The following DNER variants were observed in gnomAD, a reference collection of about 807,000 sequenced individuals.
DNER encodes delta and Notch-like epidermal growth factor-related receptor.
DNER carries 33 observed loss-of-function variants against 78.2 expected under a neutral mutation model. The observed-to-expected ratio is 0.42, with a 90% CI of 0.32 to 0.56. The LOEUF is 0.56. Among genes scored for constraint, DNER ranks in the 20% least tolerant of loss-of-function variants. DNER has a pLI of 0.11. For synonymous variants in DNER, 417 were observed against 384.8 expected, an observed-to-expected ratio of 1.08 and a Z score of -0.98; for missense variants, 918 against 975.3, an observed-to-expected ratio of 0.94 and a Z score of 0.78.
At chr2:229,504,023 C>T (rs1051913267) in intron 6 of DNER, among the ~76,000 whole-genome samples, 6 of 151,928 alleles carry the variant, frequency 3.9e-5, no homozygotes, top group South Asian at 2.1e-4. Context: ...GGATTACAGG[C>T]GTGAACTACC....
intron 1 of DNER, among the ~76,000 whole-genome samples, chr2:229,678,659 A>G (rs1043072211): frequency 2.6e-5 from 4 of 152,176 alleles, no homozygotes; most frequent in African/African-American, 9.7e-5. Flanking sequence ...CCCGCCCTAT[A>G]TGATCTCATG....
intron 1 of DNER, among the ~76,000 whole-genome samples, chr2:229,640,459 GAAATACCTTTCTCTCTACTCAT>G (rs754270325): frequency 0.036 from 5,410 of 152,298 alleles, 151 homozygotes; most frequent in Middle Eastern, 0.068. Flanking sequence ...AGCTGTCACA[GAAATACCTTTCTCTCTACTCAT>G]GTGGTATGAG....
At chr2:229,558,515 A>C (rs1696895998) in intron 4 of DNER, among the ~76,000 whole-genome samples, 2 of 152,250 alleles carry the variant, frequency 1.3e-5, no homozygotes, top group Admixed American at 1.3e-4. Flanking sequence ...CCCACAAAAA[A>C]TGTAAAATTC....
chr2:229,432,188 C>A (rs1694020101), intron 8 of DNER, among the ~76,000 whole-genome samples: 1 of 152,078 alleles, frequency 6.6e-6, no homozygotes, highest in South Asian at 2.1e-4. Context: ...ATAAAATAAT[C>A]CCATACCCTC....
At chr2:229,645,767 G>A (rs1474586863) in intron 1 of DNER, among the ~76,000 whole-genome samples, 1 of 152,188 alleles carries the variant, frequency 6.6e-6, no homozygotes, top group African/African-American at 2.4e-5. Flanking sequence ...TCCTGACCTT[G>A]TGCCAAGTCC....
intron 1 of DNER, among the ~76,000 whole-genome samples, chr2:229,661,029 C>A (rs992483968): frequency 2.0e-5 from 3 of 152,134 alleles, no homozygotes; most frequent in African/African-American, 7.2e-5. Context: ...TTTCTTCATG[C>A]CCCAACCTCT....
intron 7 of DNER, among the ~76,000 whole-genome samples, chr2:229,470,103 A>G (rs548911498): frequency 5.9e-5 from 9 of 152,228 alleles, no homozygotes; most frequent in Non-Finnish European, 1.2e-4. Flanking sequence ...GAAGTTCAAG[A>G]CCTATGCCTG....
intron 6 of DNER, among the ~76,000 whole-genome samples, chr2:229,498,451 G>A (rs13007913): frequency 0.27 from 41,292 of 151,956 alleles, 5,766 homozygotes; most frequent in South Asian, 0.32. Context: ...GAAATAAAAC[G>A]CTTCCAAATC....
chr2:229,700,794 A>T (rs6758674), intron 1 of DNER, among the ~76,000 whole-genome samples: 1 of 151,084 alleles, frequency 6.6e-6, no homozygotes, highest in Non-Finnish European at 1.5e-5. Flanking sequence ...GGTGGCACAC[A>T]CCTGTAGTCC....
intron 8 of DNER, among the ~76,000 whole-genome samples, chr2:229,439,859 A>T (rs1694196633): frequency 6.6e-6 from 1 of 152,204 alleles, no homozygotes; most frequent in Admixed American, 6.5e-5. Context: ...AGGCAAGATG[A>T]CGTAAAATGA....
intron 11 of DNER, among the ~76,000 whole-genome samples, chr2:229,382,985 AG>A (rs1363646278): frequency 1.3e-5 from 2 of 152,172 alleles, no homozygotes; most frequent in East Asian, 3.9e-4. Context: ...ATTGAAATGA[AG>A]GAAAAATGTT....
At chr2:229,633,264 C>T (rs2154215808) in intron 1 of DNER, among the ~76,000 whole-genome samples, 1 of 152,220 alleles carries the variant, frequency 6.6e-6, no homozygotes, top group African/African-American at 2.4e-5. Context: ...CAGAAGCCCC[C>T]TCTAAAACAA....
At chr2:229,709,479 CTGTG>C (rs74456281) in intron 1 of DNER, among the ~76,000 whole-genome samples, 12 of 150,692 alleles carry the variant, frequency 8.0e-5, no homozygotes, top group African/African-American at 2.7e-4. Flanking sequence ...TTGTGTGTGT[CTGTG>C]TGTGTGTGTG....
intron 4 of DNER, among the ~76,000 whole-genome samples, chr2:229,551,967 A>G (rs2059027): frequency 0.084 from 12,593 of 150,198 alleles, 708 homozygotes; most frequent in East Asian, 0.16. Context: ...TAAAATAATA[A>G]GTATGTATAT....
intron 8 of DNER, among the ~76,000 whole-genome samples, chr2:229,422,243 C>A (rs111281233): frequency 0.011 from 1,663 of 152,264 alleles, 15 homozygotes; most frequent in Middle Eastern, 0.037. Flanking sequence ...GAGGCTATCA[C>A]CCCCTGCTGA....
intron 1 of DNER, among the ~76,000 whole-genome samples, chr2:229,653,235 G>A (rs1029184586): frequency 2.6e-5 from 4 of 152,198 alleles, no homozygotes; most frequent in East Asian, 1.9e-4. Flanking sequence ...GGAGGCAGCC[G>A]CCTCTGCTGC....
intron 7 of DNER, among the ~76,000 whole-genome samples, chr2:229,468,254 C>A (rs553343220): frequency 6.6e-6 from 1 of 152,246 alleles, no homozygotes; most frequent in Non-Finnish European, 1.5e-5. Context: ...AAAAGGACCC[C>A]TTTCTTGCCT....
intron 1 of DNER, among the ~76,000 whole-genome samples, chr2:229,624,331 C>A (rs1414836271): frequency 1.3e-5 from 2 of 152,180 alleles, no homozygotes; most frequent in Non-Finnish European, 2.9e-5. Context: ...AAATCCTATG[C>A]TAGCAGCTCA....
At chr2:229,677,480 A>C (rs2154216994) in intron 1 of DNER, among the ~76,000 whole-genome samples, 1 of 152,362 alleles carries the variant, frequency 6.6e-6, no homozygotes, top group Non-Finnish European at 1.5e-5. Flanking sequence ...CTAAAAACTC[A>C]GAAGTGAAAG....
Sources: allele counts gnomAD v4.1 joint callset (sites outside exome capture counted in the v4.1 genomes callset), GRCh38; gene constraint gnomAD v4.1.1; transcripts MANE v1.5; gene names NCBI Gene and HGNC (gene_info 2026-07-23, HGNC 2026-07-21).